The following ERC2 variants were observed in gnomAD, a reference collection of about 807,000 sequenced individuals.
ERC2 encodes the protein ELKS/RAB6-interacting/CAST family member 2.
In ERC2, 42 loss-of-function variants were observed where a neutral mutation model predicts 114.8. The observed-to-expected ratio is 0.37, with a 90% CI of 0.29 to 0.47. The LOEUF (loss-of-function observed/expected upper bound fraction) is 0.47, where lower values mean the gene tolerates loss of function less well. ERC2 is among the 20% of genes least tolerant of loss of function. The pLI is 0.99. For missense variants in ERC2, 939 were observed against 1,150.7 expected (o/e 0.82, Z 2.66); for synonymous variants, 454 against 425.5 (o/e 1.07, Z -0.82).
chr3:55,602,209 A>AACT (rs1243502398), intron 17 of ERC2, among the ~76,000 whole-genome samples: 1 of 152,226 alleles, frequency 6.6e-6, no homozygotes. Context: ...TCTGCCGTCA[A>AACT]ACTGCGTCCT....
chr3:55,571,455 A>G (rs769799432), intron 17 of ERC2, among the ~76,000 whole-genome samples: 1 of 152,128 alleles, frequency 6.6e-6, no homozygotes, highest in African/African-American at 2.4e-5. Flanking sequence ...CTCACACTCC[A>G]GACCATTATT....
intron 17 of ERC2, among the ~76,000 whole-genome samples, chr3:55,558,338 C>T (rs1468026282): frequency 6.6e-6 from 1 of 152,132 alleles, no homozygotes; most frequent in Non-Finnish European, 1.5e-5. Context: ...TAAAAGAACC[C>T]AGAGTGGGGA....
chr3:56,239,976 G>A lies in ERC2; in HGVS notation c.1074+56043C>T, dbSNP rs115732303. Among the ~76,000 whole-genome samples, 775 of 152,298 alleles carry A rather than the reference G, an allele frequency of 5.1e-3. 6 individuals carry two copies. Among genetic ancestry groups the A allele is most frequent in the African/African-American group, 0.018 (742 of 41,552 alleles). ...TAGTCCATTTTAATTGATTTATACA[G>A]ACAGGAAAGAGGGGGAACATTAAAC... On this transcript the variant is annotated intron_variant, in intron 3 of 17. Coordinates refer to ENST00000288221, the MANE Select transcript of ERC2 (RefSeq NM_015576.3).
Position 55,872,266 on chromosome 3 carries a change from A to C in ERC2, c.2564+16123T>G, listed in dbSNP as rs539641995. 3.3e-5 allele frequency among the ~76,000 whole-genome samples: 5 copies of C among 152,154 alleles called. No homozygotes were observed. In the South Asian group the frequency reaches 8.3e-4, roughly 25 times the overall value. On this transcript the variant is annotated intron_variant, in intron 14 of 17. Transcript: ENST00000288221. ...GGAGGAAGAGAAACCACTACTCATC[A>C]ACACCAGACTCATGGTCATACCTCA... is the stretch of plus-strand genomic sequence containing the variant.
At chr3:56,190,740 AT>A (rs1202065130) in intron 3 of ERC2, among the ~76,000 whole-genome samples, 1 of 151,684 alleles carries the variant, frequency 6.6e-6, no homozygotes, top group African/African-American at 2.4e-5. Context: ...CACCCAGATA[AT>A]TTTTTTTATT....
At chr3:56,375,322 G>A (rs992178111) in intron 2 of ERC2, among the ~76,000 whole-genome samples, 3 of 152,310 alleles carry the variant, frequency 2.0e-5, no homozygotes, top group East Asian at 1.9e-4. Context: ...CTGAATAGGT[G>A]GGAAGAGAGT....
intron 14 of ERC2, among the ~76,000 whole-genome samples, chr3:55,832,040 G>C (rs1404675952): frequency 1.3e-5 from 2 of 152,262 alleles, no homozygotes; most frequent in African/African-American, 4.8e-5. Flanking sequence ...CACGTCAGCA[G>C]CGAGGCTGGG....
intron 3 of ERC2, among the ~76,000 whole-genome samples, chr3:56,210,568 C>A (rs1472225156): frequency 6.6e-6 from 1 of 152,148 alleles, no homozygotes; most frequent in Non-Finnish European, 1.5e-5. Context: ...AATTCCACAA[C>A]TGAAGACTCA....
chr3:55,840,198 C>T (rs2061070314), intron 14 of ERC2, among the ~76,000 whole-genome samples: 1 of 151,906 alleles, frequency 6.6e-6, no homozygotes, highest in African/African-American at 2.4e-5. Flanking sequence ...AAGCAGTCCC[C>T]ACACTAGGTG....
chr3:55,898,001 C>T (rs569837660), intron 13 of ERC2, among the ~76,000 whole-genome samples: 4 of 152,190 alleles, frequency 2.6e-5, no homozygotes, highest in Non-Finnish European at 5.9e-5. Context: ...TTTGTTTGGG[C>T]TCCAACTCTT....
intron 3 of ERC2, among the ~76,000 whole-genome samples, chr3:56,268,046 T>C (rs762680850): frequency 2.0e-5 from 3 of 152,242 alleles, no homozygotes; most frequent in Non-Finnish European, 2.9e-5. Flanking sequence ...TGCTTGAATA[T>C]TGTAATCACT....
At chr3:55,739,094 CT>C (rs1246643381) in intron 14 of ERC2, among the ~76,000 whole-genome samples, 1 of 152,118 alleles carries the variant, frequency 6.6e-6, no homozygotes, top group Admixed American at 6.5e-5. Flanking sequence ...ATGAGCTCAT[CT>C]TTTTTATGGC....
At chr3:55,722,557 C>T (rs1319559712) in intron 15 of ERC2, among the ~76,000 whole-genome samples, 4 of 152,214 alleles carry the variant, frequency 2.6e-5, no homozygotes, top group South Asian at 2.1e-4. Context: ...ACATGCCCTA[C>T]ATTTGATGTC....
chr3:55,969,463 G>A (rs2069002320), intron 12 of ERC2, among the ~76,000 whole-genome samples: 1 of 151,594 alleles, frequency 6.6e-6, no homozygotes, highest in Non-Finnish European at 1.5e-5. Context: ...TACAGGAAGA[G>A]AGAAGCCAGT....
intron 17 of ERC2, among the ~76,000 whole-genome samples, chr3:55,551,350 G>A (rs942301910): frequency 2.2e-4 from 33 of 151,046 alleles, no homozygotes; most frequent in Admixed American, 9.9e-4. Context: ...TGGTGAAACC[G>A]CGTCTCTACT....
rs563041569 is a variant in ERC2, at chr3:56,233,912, C to A, written c.1075-60392G>T. Among the ~76,000 whole-genome samples, 5 of 152,262 alleles carry A rather than the reference C, an allele frequency of 3.3e-5. No individual in the cohort carries two copies. The South Asian group carries it at 8.3e-4, about 25-fold the overall frequency. On this transcript the variant is annotated intron_variant, in intron 3 of 17. Transcript: ENST00000288221. ...TGCCTCACTCTTCACTTTTAAGGAA[C>A]CCTGTAATTACATTGGGCTCACTTG...
intron 3 of ERC2, among the ~76,000 whole-genome samples, chr3:56,226,779 C>T (rs1431924864): frequency 6.6e-6 from 1 of 152,146 alleles, no homozygotes; most frequent in Non-Finnish European, 1.5e-5. Flanking sequence ...GTCTTAACTC[C>T]TAACATCCTT....
chr3:55,715,360 C>A (rs932102932), intron 15 of ERC2, among the ~76,000 whole-genome samples: 2 of 152,104 alleles, frequency 1.3e-5, no homozygotes, highest in African/African-American at 4.8e-5. Context: ...TGGGTCTTTT[C>A]AAGTTGAGAG....
intron 14 of ERC2, among the ~76,000 whole-genome samples, chr3:55,866,502 T>A (rs1336115103): frequency 6.6e-6 from 1 of 152,184 alleles, no homozygotes; most frequent in Non-Finnish European, 1.5e-5. Context: ...TCTTTAGTTA[T>A]TTGTGCTTTT....
Sources: gnomAD v4.1 joint callset for allele counts (sites outside exome capture counted in the v4.1 genomes callset) on GRCh38, gnomAD v4.1.1 for gene constraint, MANE v1.5 for transcripts, NCBI Gene and HGNC (gene_info 2026-07-23, HGNC 2026-07-21) for gene names.